Variants in AAMDC observed in about 807,000 individuals in gnomAD.
The protein encoded by AAMDC is adipogenesis associated Mth938 domain containing.
Under a neutral mutation model 15.5 loss-of-function variants are expected in AAMDC, and 16 were observed. That is an observed-to-expected ratio of 1.03 (90% CI 0.70 to 1.57). The LOEUF (loss-of-function observed/expected upper bound fraction) is 1.57, where lower values mean the gene tolerates loss of function less well. Ranked by LOEUF, AAMDC falls within the 40% of genes most tolerant of loss-of-function variation. AAMDC has a pLI of 0.00. For missense variants in AAMDC, 141 were observed against 144.9 expected, an observed-to-expected ratio of 0.97 and a Z score of 0.14; for synonymous variants, 51 against 51.6, an observed-to-expected ratio of 0.99 and a Z score of 0.05.
intron 5 of AAMDC, among the ~76,000 whole-genome samples, chr11:77,880,012 T>G (rs1452817562): frequency 6.6e-6 from 1 of 152,182 alleles, no homozygotes; most frequent in Non-Finnish European, 1.5e-5. Context: ...GCCCAGTTCA[T>G]AAACTGAAGC....
intron 5 of AAMDC, among the ~76,000 whole-genome samples, chr11:77,900,351 G>A (rs940082725): frequency 2.9e-4 from 44 of 151,984 alleles, no homozygotes; most frequent in Non-Finnish European, 2.2e-4. Flanking sequence ...TGCCCACCTT[G>A]GCCTCCCAAA....
chr11:77,901,520 A>G, downstream of AAMDC: 1 of 1,611,346 alleles, frequency 6.2e-7, no homozygotes, highest in Non-Finnish European at 8.5e-7. Context: ...ACCACTGTAC[A>G]TGAATTCCAT....
At chr11:77,883,102 C>A (rs1951857084) in intron 5 of AAMDC, among the ~76,000 whole-genome samples, 1 of 130,610 alleles carries the variant, frequency 7.7e-6, no homozygotes, top group African/African-American at 3.1e-5. Context: ...ATAATAATAG[C>A]CTTATAATTA....
rs530101796 is a variant in AAMDC at position 77,881,422 on chromosome 11, A to C, written c.328+4373A>C. On this transcript the variant is annotated intron_variant, in intron 5 of 5. Coordinates refer to the AAMDC transcript ENST00000304716. ...ACCTAGATTAGGAGAAAGAAACTGC[A>C]AGCTCATTTACAATGAGACATATTT... Among the ~76,000 whole-genome samples, 11 of 152,316 alleles carry C rather than the reference A, an allele frequency of 7.2e-5. 1 individual carries two copies. In the South Asian group the frequency reaches 2.3e-3, roughly 32 times the overall value.
chr11:77,821,466 G>A (rs987727417), intron 1 of AAMDC, among the ~76,000 whole-genome samples: 2 of 152,104 alleles, frequency 1.3e-5, no homozygotes, highest in Non-Finnish European at 2.9e-5. Context: ...CTGGGGTACA[G>A]GAATCGCAGC....
chr11:77,858,111 T>C (rs1441023112), intron 2 of AAMDC, among the ~76,000 whole-genome samples: 1 of 151,908 alleles, frequency 6.6e-6, no homozygotes, highest in East Asian at 1.9e-4. Flanking sequence ...CTGAAACTCC[T>C]GGACTCAAGC....
At chr11:77,868,590 C>T (rs1380879053) in intron 2 of AAMDC, 1 of 152,180 alleles carries the variant, frequency 6.6e-6, no homozygotes, top group Non-Finnish European at 1.5e-5. Context: ...AACTCCTGAC[C>T]TCAGCCTCCC....
intron 2 of AAMDC, among the ~76,000 whole-genome samples, chr11:77,857,228 G>C (rs1198418181): frequency 1.3e-5 from 2 of 152,186 alleles, no homozygotes; most frequent in Non-Finnish European, 2.9e-5. Flanking sequence ...ATGGTAATGA[G>C]AGGAAGGAAT....
At chr11:77,877,072 C>A (rs1267495219), downstream of AAMDC, 2 of 702,488 alleles carry the variant, frequency 2.8e-6, no homozygotes, top group Non-Finnish European at 5.2e-6. Flanking sequence ...GAAAAGTCAG[C>A]TCCCTGGAGT....
At chr11:77,881,870 G>A in intron 5 of AAMDC, among the ~76,000 whole-genome samples, 1 of 151,510 alleles carries the variant, frequency 6.6e-6, no homozygotes, top group East Asian at 1.9e-4. Context: ...ACTGGGTAGC[G>A]ACCATTCAGA....
downstream of AAMDC, among the ~76,000 whole-genome samples, chr11:77,903,903 C>T (rs1952858613): frequency 6.6e-6 from 1 of 152,158 alleles, no homozygotes; most frequent in African/African-American, 2.4e-5. Flanking sequence ...GAAAGCTTCA[C>T]CAGAATGCGC....
chr11:77,850,777 C>A (rs1308087959), intron 2 of AAMDC: 1 of 48,338 alleles, frequency 2.1e-5, no homozygotes, highest in Non-Finnish European at 3.9e-5. Context: ...CACACACATA[C>A]ACACACATAC....
chr11:77,863,811 A>G (rs1383971891), intron 2 of AAMDC, among the ~76,000 whole-genome samples: 1 of 151,974 alleles, frequency 6.6e-6, no homozygotes, highest in African/African-American at 2.4e-5. Flanking sequence ...CTCTCTGCCT[A>G]CCCCTATAAC....
In AAMDC at chr11:77,886,648, A is replaced by T. The variant is rs572818598; in HGVS notation, c.328+9599A>T. 5.9e-5 allele frequency among the ~76,000 whole-genome samples: 9 copies of T among 152,270 alleles called. No individual in the cohort carries two copies. The South Asian group carries it at 1.9e-3, about 32-fold the overall frequency. On this transcript the variant is annotated intron_variant, in intron 5 of 5. Coordinates refer to the AAMDC transcript ENST00000304716. ...TATCCAGCGAAACCACAGCCAAGGG[A>T]ATGGGCTTGGCGGAATCAGCAGGGA...
At chr11:77,871,144 A>T (rs1951412591) in intron 3 of AAMDC, among the ~76,000 whole-genome samples, 1 of 152,190 alleles carries the variant, frequency 6.6e-6, no homozygotes, top group Admixed American at 6.5e-5. Flanking sequence ...TGTTTTCCCC[A>T]TTACAATAAT....
chr11:77,899,102 G>C (rs777478076), intron 5 of AAMDC, among the ~76,000 whole-genome samples: 1 of 152,110 alleles, frequency 6.6e-6, no homozygotes, highest in African/African-American at 2.4e-5. Flanking sequence ...GGAAGAGATA[G>C]GTACTACTAT....
intron 1 of AAMDC, among the ~76,000 whole-genome samples, chr11:77,836,275 C>T (rs938146756): frequency 6.6e-6 from 1 of 152,078 alleles, no homozygotes; most frequent in South Asian, 2.1e-4. Flanking sequence ...ACCCCAAAAA[C>T]GACTGTAGTT....
intron 2 of AAMDC, among the ~76,000 whole-genome samples, chr11:77,868,531 G>C (rs769381937): frequency 2.0e-5 from 3 of 150,738 alleles, no homozygotes; most frequent in Non-Finnish European, 2.9e-5. Context: ...GCTAATTTTT[G>C]TATTTTTAGT....
At chr11:77,836,919 C>G (rs924151092) in intron 1 of AAMDC, among the ~76,000 whole-genome samples, 1 of 152,042 alleles carries the variant, frequency 6.6e-6, no homozygotes, top group Non-Finnish European at 1.5e-5. Context: ...GAGCCAAGAT[C>G]GCGCCATTGC....
Sources: allele counts gnomAD v4.1 joint callset (sites outside exome capture counted in the v4.1 genomes callset), GRCh38; gene constraint gnomAD v4.1.1; transcripts MANE v1.5; gene names NCBI Gene and HGNC (gene_info 2026-07-23, HGNC 2026-07-21).